The following TUB variants were observed in gnomAD, a reference collection of about 807,000 sequenced individuals.
TUB encodes tubby protein homolog.
A neutral mutation model predicts 59.7 loss-of-function variants in TUB; 33 were observed. The observed-to-expected ratio is 0.55, with a 90% CI of 0.42 to 0.74. The LOEUF (loss-of-function observed/expected upper bound fraction) is 0.74. TUB is among the 30% of genes least tolerant of loss of function. The pLI is 0.00. For missense variants in TUB, 659 were observed against 672.0 expected (o/e 0.98, Z 0.21); for synonymous variants, 293 against 256.4 (o/e 1.14, Z -1.36).
chr11:8,039,177 G>A, intron 1 of TUB: 1 of 1,069,662 alleles, frequency 9.3e-7, no homozygotes, highest in Non-Finnish European at 1.3e-6. Flanking sequence ...GAGCCCCACA[G>A]GTATATCCCC....
In TUB at chr11:8,101,760, C is replaced by T; in HGVS notation, c.*141C>T. On this transcript the variant is annotated 3_prime_UTR_variant, in exon 12 of 12. Transcript: ENST00000299506. ...CCCTCAGTGGGCTCCCTGGCCCAGCCAGCCAGGAACTGGCTCCTTTGCCTC... is the reference window on the plus strand; with the variant it reads ...CCCTCAGTGGGCTCCCTGGCCCAGCTAGCCAGGAACTGGCTCCTTTGCCTC... 4 of 1,412,524 alleles carry T rather than the reference C, an allele frequency of 2.8e-6. No homozygotes were observed. The highest frequency in any genetic ancestry group is 3.7e-6 in the Non-Finnish European group (4 of 1,073,108). The allele number at this position is 1,412,524 out of a possible 1,614,324, so 87.5% of individuals were successfully genotyped here.
In TUB at chr11:8,101,771, T is replaced by G; in HGVS notation, c.*152T>G. 5 of 1,307,270 alleles carry G rather than the reference T, an allele frequency of 3.8e-6. No homozygotes were observed. The highest frequency in any genetic ancestry group is 5.7e-5 in the Admixed American group (2 of 35,398). 81.0% of individuals were successfully genotyped at this position (1,307,270 alleles called of 1,614,324 possible). Reference sequence around the variant, plus strand: ...CTCCCTGGCCCAGCCAGCCAGGAACTGGCTCCTTTGCCTCTGCTACTGAGG... The same window carrying G: ...CTCCCTGGCCCAGCCAGCCAGGAACGGGCTCCTTTGCCTCTGCTACTGAGG... On this transcript the variant is annotated 3_prime_UTR_variant, in exon 12 of 12. Transcript: ENST00000299506.
chr11:8,065,751 A>C (rs1049068831), intron 2 of TUB, among the ~76,000 whole-genome samples: 1 of 152,138 alleles, frequency 6.6e-6, no homozygotes, highest in African/African-American at 2.4e-5. Context: ...GGTTTATCTG[A>C]CCCAAGGGTA....
At chr11:8,020,880 A>G (rs1232251278) in intron 1 of TUB, among the ~76,000 whole-genome samples, 1 of 152,214 alleles carries the variant, frequency 6.6e-6, no homozygotes, top group Admixed American at 6.5e-5. Context: ...AGTGCGAACT[A>G]TATCCTGGGC....
chr11:8,025,069 C>T (rs1289291778), intron 1 of TUB, among the ~76,000 whole-genome samples: 1 of 152,220 alleles, frequency 6.6e-6, no homozygotes. Flanking sequence ...TGCCAGGCAA[C>T]ATTTTAGGCA....
chr11:8,039,241 G>C (rs1316006361), intron 1 of TUB, among the ~76,000 whole-genome samples: 2 of 152,248 alleles, frequency 1.3e-5, no homozygotes, highest in African/African-American at 4.8e-5. Flanking sequence ...TACTCCAGGA[G>C]CTGCCCAGGA....
At chr11:8,027,992 C>G (rs1397747965) in intron 1 of TUB, among the ~76,000 whole-genome samples, 1 of 152,166 alleles carries the variant, frequency 6.6e-6, no homozygotes, top group Non-Finnish European at 1.5e-5. Context: ...ATAATTCTAT[C>G]TTTAGCTTTT....
chr11:8,034,141 C>T (rs921553133), upstream of TUB, among the ~76,000 whole-genome samples: 2 of 152,192 alleles, frequency 1.3e-5, no homozygotes, highest in African/African-American at 4.8e-5. Context: ...CTAACAGCAA[C>T]GTGTGGCTAT....
In TUB at chr11:8,104,016, G is replaced by A. The variant is rs1402493394; in HGVS notation, c.*2397G>A. 2.6e-5 allele frequency: 4 copies of A among 152,192 alleles called. No homozygotes were observed. Among genetic ancestry groups the A allele is most frequent in the African/African-American group, 9.7e-5 (4 of 41,440 alleles). The allele number at this position is 152,192 out of a possible 1,614,324, so 9.4% of individuals were successfully genotyped here. A position where few individuals can be genotyped will look rare whatever the true frequency, so the allele number is the denominator to read the frequency against. ...AGCCTCAGCCACAAAACTCTGTCAGGCATTGAATGACAAGCATCAGTAGCT... is the reference window on the plus strand; with the variant it reads ...AGCCTCAGCCACAAAACTCTGTCAGACATTGAATGACAAGCATCAGTAGCT... On this transcript the variant is annotated 3_prime_UTR_variant, in exon 12 of 12. Transcript: ENST00000299506.
At chr11:8,093,616 G>A (rs538225471) in intron 3 of TUB, among the ~76,000 whole-genome samples, 4 of 152,262 alleles carry the variant, frequency 2.6e-5, no homozygotes, top group East Asian at 3.9e-4. Flanking sequence ...GAGCCCCCTC[G>A]TAGGCTCCCT....
chr11:8,097,591 G>C, intron 7 of TUB, 123 bp from the exon 8 acceptor site: 1 of 1,303,964 alleles, frequency 7.7e-7, no homozygotes, highest in Non-Finnish European at 1.1e-6. Flanking sequence ...CAGTGCATTT[G>C]TGTGTGTGCA....
chr11:8,032,157 G>A (rs563460163), intron 1 of TUB, among the ~76,000 whole-genome samples: 2 of 152,260 alleles, frequency 1.3e-5, no homozygotes, highest in Admixed American at 1.3e-4. Flanking sequence ...AAGGCCGGGA[G>A]CGCAGGAGTG....
In TUB at chr11:8,105,980, A is replaced by G. The variant is rs1944585974; in HGVS notation, c.*4361A>G. ...GCCTAGACTGTGTATGTCTATTTGC[A>G]CAAGATTGTCTTTTCCTATTTTGGA... On this transcript the variant is annotated 3_prime_UTR_variant, in exon 12 of 12. Transcript: ENST00000299506. 1 of 152,000 alleles carries G rather than the reference A, an allele frequency of 6.6e-6. No homozygotes were observed. Among genetic ancestry groups the G allele is most frequent in the Non-Finnish European group, 1.5e-5 (1 of 67,896 alleles). The allele number at this position is 152,000 out of a possible 1,614,324, so 9.4% of individuals were successfully genotyped here.
chr11:8,036,746 C>G (rs996299256), upstream of TUB, among the ~76,000 whole-genome samples: 1 of 152,200 alleles, frequency 6.6e-6, no homozygotes, highest in African/African-American at 2.4e-5. Context: ...GCAGTTTATC[C>G]AGCCCTGAGG....
intron 1 of TUB, among the ~76,000 whole-genome samples, chr11:8,033,153 C>T (rs938548097): frequency 1.3e-5 from 2 of 152,182 alleles, no homozygotes; most frequent in Admixed American, 6.5e-5. Flanking sequence ...GCTTCCCTGT[C>T]GCTTCCACAC....
chr11:8,019,888 G>C (rs1414880318), intron 1 of TUB, among the ~76,000 whole-genome samples: 1 of 152,166 alleles, frequency 6.6e-6, no homozygotes, highest in Non-Finnish European at 1.5e-5. Context: ...CGAGATGGCA[G>C]CCTGGGCCGG....
intron 3 of TUB, among the ~76,000 whole-genome samples, chr11:8,093,597 A>G (rs1342732614): frequency 6.6e-6 from 1 of 152,134 alleles, no homozygotes; most frequent in African/African-American, 2.4e-5. Flanking sequence ...CCATGGGCTC[A>G]TCCCCGCAGA....
rs762409576 is a variant in TUB, at chr11:8,096,786, A to G, written c.667A>G (p.Thr223Ala). ...LNSNTRPSSA[T>A]SRKSVREAAS... ...TAGTAACACCCGCCCCAGCTCTGCT[A>G]CTAGCAGGAAGTCCGTCAGGGTGAG... The change falls in exon 6 of 12, where the codon ACT becomes GCT. Residue 223 changes from threonine (T) to alanine (A), a missense_variant. This residue lies in a region of TUB where 321 missense variants were observed against 304.3 expected (regional missense o/e 1.05). Coordinates refer to ENST00000299506, the MANE Select transcript of TUB (RefSeq NM_177972.3). 3 of 1,614,062 alleles carry G rather than the reference A, an allele frequency of 1.9e-6. No homozygotes were observed. Among genetic ancestry groups the G allele is most frequent in the Non-Finnish European group, 2.5e-6 (3 of 1,180,010 alleles).
At position 8,048,126 on chromosome 11, in the gene TUB, T is replaced by C. The variant is rs528495579; in HGVS notation, c.203+8434T>C. Among the ~76,000 whole-genome samples the C allele has an allele frequency of 5.3e-5, 8 of 152,330 alleles. No individual in the cohort carries two copies. The East Asian group carries it at 1.4e-3, about 26-fold the overall frequency. On this transcript the variant is annotated intron_variant, in intron 2 of 12. Coordinates refer to the TUB transcript ENST00000305253. The stretch of plus-strand genomic sequence containing the variant: ...ATAGCTAACATTTGTTGAGGACTTA[T>C]ACCACACATGAGTCTAGGCCATTTA...
Sources: allele counts gnomAD v4.1 joint callset (sites outside exome capture counted in the v4.1 genomes callset), GRCh38; gene constraint gnomAD v4.1.1; regional missense constraint gnomAD v4.1.1; transcripts MANE v1.5; gene names NCBI Gene and HGNC (gene_info 2026-07-23, HGNC 2026-07-21).